HHIPL2: variants seen among roughly 807,000 people sequenced by gnomAD.
HHIPL2 encodes the protein HHIP-like protein 2.
Under a neutral mutation model 61.0 loss-of-function variants are expected in HHIPL2, and 61 were observed. That is an observed-to-expected ratio of 1.00 (90% CI 0.81 to 1.24). The LOEUF is 1.24. Among genes scored for constraint, HHIPL2 ranks in the 50% most tolerant of loss-of-function variants. The pLI, the probability that HHIPL2 is intolerant of heterozygous loss-of-function variation, is 0.00. For missense variants in HHIPL2, 885 were observed against 910.2 expected (o/e 0.97, Z 0.36); for synonymous variants, 343 against 357.4 (o/e 0.96, Z 0.45).
Position 222,547,752 on chromosome 1 carries a change from CCA to C in HHIPL2, c.291_292del (p.Cys97TrpfsTer5). Reference sequence around the variant, plus strand: ...GCAAAGGATGTCTTTAATGTAATCTCCACACAGCTCATGTCTCTTCAGATCAA... The same window carrying C: ...GCAAAGGATGTCTTTAATGTAATCTCCACAGCTCATGTCTCTTCAGATCAA... On this transcript the variant is annotated frameshift_variant, in exon 1 of 9. Transcript: ENST00000343410. LOFTEE classifies it high-confidence loss of function. 6.2e-7 allele frequency: 1 copy of C among 1,614,098 alleles called. No individual in the cohort carries two copies. The highest frequency in any genetic ancestry group is 8.5e-7 in the Non-Finnish European group (1 of 1,179,944).
chr1:222,537,405 T>C (rs1213872438), intron 5 of HHIPL2, among the ~76,000 whole-genome samples: 2 of 150,332 alleles, frequency 1.3e-5, no homozygotes, highest in Non-Finnish European at 3.0e-5. Context: ...GCACTGAGAT[T>C]AACGTAGAGC....
intron 4 of HHIPL2, 26 bp from the exon 5 acceptor site, chr1:222,538,800 G>C: frequency 1.2e-6 from 2 of 1,610,530 alleles, no homozygotes. Context: ...GAAAGAGAGT[G>C]AGTGTCGTGG....
rs182148496 is a variant in HHIPL2, at chr1:222,543,629, C to T, written c.882G>A (p.Ser294=). The change falls in exon 2 of 9, where the codon TCG becomes TCA. Residue 294 remains serine, a synonymous_variant. Transcript: ENST00000343410. ...RHNRKFYIYY[S]CLDKKKVEKI... ...TTTCTACCTTCTTCTTGTCCAGGCA[C>T]GAATAATAAATATAGAACTTGCGAT... 1.4e-5 allele frequency: 22 copies of T among 1,614,066 alleles called. No individual in the cohort carries two copies. The Admixed American group carries it at 2.0e-4, about 15-fold the overall frequency.
intron 5 of HHIPL2, among the ~76,000 whole-genome samples, chr1:222,537,889 A>T (rs17509774): frequency 0.12 from 18,129 of 152,258 alleles, 1,309 homozygotes; most frequent in Non-Finnish European, 0.16. Context: ...AGATCTCTAC[A>T]CTGAAGACTA....
rs1192194714 is a variant in HHIPL2, at chr1:222,544,121, C to A, written c.390G>T (p.Pro130=). Residue 130 remains proline, a synonymous_variant, in exon 2 of 9, where the codon CCG becomes CCT. Coordinates refer to ENST00000343410, the MANE Select transcript of HHIPL2 (RefSeq NM_024746.4). ...ENTQTPLRNL[P]GLCSDYCSAF... Reference sequence around the variant, plus strand: ...CAGAGCAGTAATCAGAGCAGAGGCCCGGGAGATTCCGGAGAGGCGTCTGGG... The same window carrying A: ...CAGAGCAGTAATCAGAGCAGAGGCCAGGGAGATTCCGGAGAGGCGTCTGGG... 3 of 1,613,738 alleles carry A rather than the reference C, an allele frequency of 1.9e-6. No individual in the cohort carries two copies. The highest frequency in any genetic ancestry group is 2.7e-5 in the African/African-American group (2 of 74,850).
At chr1:222,539,062 C>T in intron 4 of HHIPL2, 1 of 379,306 alleles carries the variant, frequency 2.6e-6, no homozygotes, top group Non-Finnish European at 4.7e-6. Flanking sequence ...AAGTTTTCCC[C>T]CTAGGTTGAT....
At chr1:222,534,891 G>C (rs1286198575) in intron 5 of HHIPL2, among the ~76,000 whole-genome samples, 2 of 151,990 alleles carry the variant, frequency 1.3e-5, no homozygotes, top group African/African-American at 2.4e-5. Context: ...GAAGGAGTGG[G>C]GACAGAGGAA....
rs1480980741 is a variant in HHIPL2, at chr1:222,532,073, T to C, written c.1616A>G (p.Lys539Arg). The change falls in exon 6 of 9, where the codon AAA becomes AGA. Residue 539 changes from lysine (K) to arginine (R), a missense_variant. Coordinates refer to ENST00000343410, the MANE Select transcript of HHIPL2 (RefSeq NM_024746.4). ...CAGGCAAAGATCCTGCTTCTTCCAT[T>C]TCTTGTTTTTTCTATCTTCCTGCAA... ...MALQEDRKNK[K>R]WKKQDLCLGS... 8 of 1,613,758 alleles carry C rather than the reference T, an allele frequency of 5.0e-6. No homozygotes were observed. Among genetic ancestry groups the C allele is most frequent in the African/African-American group, 2.7e-5 (2 of 74,932 alleles).
chr1:222,526,007 A>G (rs1659055837), intron 7 of HHIPL2, among the ~76,000 whole-genome samples: 1 of 151,322 alleles, frequency 6.6e-6, no homozygotes, highest in East Asian at 1.9e-4. Flanking sequence ...TATTAAATAA[A>G]AAATAAAAAA....
chr1:222,525,635 C>T (rs1407083863), intron 7 of HHIPL2, among the ~76,000 whole-genome samples: 1 of 152,184 alleles, frequency 6.6e-6, no homozygotes. Context: ...AAATTTTCTT[C>T]TGCATGTCTA....
chr1:222,524,109 G>T (rs1337401180), intron 7 of HHIPL2: 1 of 168,966 alleles, frequency 5.9e-6, no homozygotes, highest in Non-Finnish European at 1.3e-5. Flanking sequence ...TGATGAGGAT[G>T]ATTCTGCTGC....
At chr1:222,529,071 C>T (rs1659133033) in intron 6 of HHIPL2, among the ~76,000 whole-genome samples, 1 of 152,144 alleles carries the variant, frequency 6.6e-6, no homozygotes, top group Non-Finnish European at 1.5e-5. Context: ...ATCCTCCCAG[C>T]TCAGCCTCCC....
chr1:222,538,419 GAGAC>G (rs1262060835), intron 5 of HHIPL2, among the ~76,000 whole-genome samples: 10 of 123,668 alleles, frequency 8.1e-5, no homozygotes, highest in East Asian at 5.3e-4. Context: ...GTATGAGAGA[GAGAC>G]AGAGAGAGAG....
chr1:222,530,193 C>T (rs142719911), intron 6 of HHIPL2, among the ~76,000 whole-genome samples: 304 of 152,018 alleles, frequency 2.0e-3, no homozygotes, highest in East Asian at 0.011. Context: ...CTGTTTTCTA[C>T]GGTGAGAAGT....
intron 7 of HHIPL2, among the ~76,000 whole-genome samples, chr1:222,524,576 G>A (rs1419949830): frequency 6.6e-6 from 1 of 152,178 alleles, no homozygotes; most frequent in Non-Finnish European, 1.5e-5. Flanking sequence ...CTAAGAAACA[G>A]GCCCAAGGCC....
At chr1:222,527,246 C>T (rs951070168) in intron 6 of HHIPL2, among the ~76,000 whole-genome samples, 196 bp from the exon 7 acceptor site, 8 of 152,154 alleles carry the variant, frequency 5.3e-5, no homozygotes, top group Admixed American at 1.3e-4. Context: ...CATCTTTGAA[C>T]CCCCCAAAGA....
At chr1:222,531,906 A>T in intron 6 of HHIPL2, 60 bp downstream of exon 6, 1 of 1,469,128 alleles carries the variant, frequency 6.8e-7, no homozygotes, top group Non-Finnish European at 9.3e-7. Flanking sequence ...CGTTCAGTTG[A>T]TGCCTGTGAT....
rs1433727779 is a variant in HHIPL2, at chr1:222,543,896, C to G, written c.615G>C (p.Leu205=). The change falls in exon 2 of 9, where the codon CTG becomes CTC. Residue 205 remains leucine (L), a synonymous_variant. Coordinates refer to ENST00000343410, the MANE Select transcript of HHIPL2 (RefSeq NM_024746.4). ...TGGCCACCTCGCTCAGGCAGAGCTG[C>G]AGGCAGCCCTGAGGATCTTGGGCCA... ...GMVAQDPQGC[L]QLCLSEVANG... The G allele has an allele frequency of 5.0e-6, 8 of 1,614,094 alleles. No homozygotes were observed. Among genetic ancestry groups the G allele is most frequent in the African/African-American group, 1.3e-5 (1 of 74,940 alleles).
chr1:222,525,902 G>C (rs1371135828), intron 7 of HHIPL2, among the ~76,000 whole-genome samples: 1 of 152,074 alleles, frequency 6.6e-6, no homozygotes. Context: ...GGGAGGCTGA[G>C]GCACATGAAT....
Sources: allele counts gnomAD v4.1 joint callset (sites outside exome capture counted in the v4.1 genomes callset), GRCh38; gene constraint gnomAD v4.1.1; transcripts MANE v1.5; gene names NCBI Gene and HGNC (gene_info 2026-07-23, HGNC 2026-07-21).